Variants in SPOPL observed in about 807,000 individuals in gnomAD.
SPOPL encodes speckle-type POZ protein-like.
Under a neutral mutation model 53.8 loss-of-function variants are expected in SPOPL, and 23 were observed. The ratio of observed to expected loss-of-function variants is 0.43; its 90% CI spans 0.31 to 0.61. SPOPL has a LOEUF of 0.61. SPOPL is among the 20% of genes least tolerant of loss of function. The pLI is 0.12. For synonymous variants in SPOPL, 164 were observed against 149.7 expected (o/e 1.10, Z -0.70); for missense variants, 442 against 466.9 (o/e 0.95, Z 0.49).
At chr2:138,508,178 G>A (rs929509949) in intron 1 of SPOPL, among the ~76,000 whole-genome samples, 7 of 152,024 alleles carry the variant, frequency 4.6e-5, no homozygotes, top group Non-Finnish European at 8.8e-5. Context: ...CTTTTCTCTT[G>A]GACCATGGGT....
At chr2:138,505,995 T>C (rs1261321438) in intron 1 of SPOPL, among the ~76,000 whole-genome samples, 1 of 152,110 alleles carries the variant, frequency 6.6e-6, no homozygotes, top group African/African-American at 2.4e-5. Flanking sequence ...GGTTGGTTGA[T>C]GGGGAATAGA....
chr2:138,541,013 T>G (rs957360125), intron 1 of SPOPL, among the ~76,000 whole-genome samples: 4 of 152,252 alleles, frequency 2.6e-5, no homozygotes, highest in Admixed American at 2.0e-4. Context: ...TATGGTTTTT[T>G]TCATTGTTTC....
intron 5 of SPOPL, among the ~76,000 whole-genome samples, chr2:138,556,924 A>G (rs1685437130): frequency 6.6e-6 from 1 of 152,192 alleles, no homozygotes; most frequent in South Asian, 2.1e-4. Flanking sequence ...TGGGAGGCTG[A>G]GGCGGGTAGA....
rs79294601 is a variant in SPOPL, at chr2:138,569,703, A to G, written c.*623A>G. ...GTGACATTTATGATGTTTGTCTTGTATGTTAACTGTCCAACAAACTGTGGG... is the reference window on the plus strand; with the variant it reads ...GTGACATTTATGATGTTTGTCTTGTGTGTTAACTGTCCAACAAACTGTGGG... On this transcript the variant is annotated 3_prime_UTR_variant, in exon 11 of 11. Transcript: ENST00000280098. The G allele has an allele frequency of 1.3e-5, 2 of 152,430 alleles. No individual in the cohort carries two copies. Among genetic ancestry groups the G allele is most frequent in the African/African-American group, 4.8e-5 (2 of 41,574 alleles). The allele number at this position is 152,430 out of a possible 1,614,324, so 9.4% of individuals were successfully genotyped here. A position where few individuals can be genotyped will look rare whatever the true frequency, so the allele number is the denominator to read the frequency against.
At chr2:138,557,607 A>G (rs560667816) in intron 5 of SPOPL, among the ~76,000 whole-genome samples, 2 of 152,256 alleles carry the variant, frequency 1.3e-5, no homozygotes, top group South Asian at 4.1e-4. Flanking sequence ...TTATACTTTT[A>G]TTTAATAAAA....
chr2:138,550,032 C>A (rs190137873), intron 1 of SPOPL, 125 bp from the exon 2 acceptor site: 151 of 489,268 alleles, frequency 3.1e-4, no homozygotes, highest in Admixed American at 1.0e-3. Context: ...ATCTAAAATT[C>A]TCACATGTTC....
intron 1 of SPOPL, among the ~76,000 whole-genome samples, chr2:138,517,320 A>C (rs1684459920): frequency 6.6e-6 from 1 of 152,120 alleles, no homozygotes; most frequent in Admixed American, 6.5e-5. Flanking sequence ...CAATTATTAC[A>C]CCTCTGATCT....
chr2:138,549,993 A>G (rs984117380), intron 1 of SPOPL, among the ~76,000 whole-genome samples, 164 bp from the exon 2 acceptor site: 2 of 151,884 alleles, frequency 1.3e-5, no homozygotes, highest in African/African-American at 2.4e-5. Flanking sequence ...ACATGTTACA[A>G]AAACTTACTT....
rs61000380 is a variant in SPOPL at position 138,555,131 on chromosome 2, G to GGTGTGTGTGTGT, written c.480+2478_480+2489dup. On this transcript the variant is annotated intron_variant, in intron 5 of 10. Transcript: ENST00000280098. ...AGTGGGGGTTGTTGGAGGGTAGGAG[G>GGTGTGTGTGTGT]GTGTGTGTGTGTGTGTGTGTGTGTG... 4.8e-3 allele frequency among the ~76,000 whole-genome samples: 670 copies of GGTGTGTGTGTGT among 140,164 alleles called. 4 individuals carry two copies. The highest frequency in any genetic ancestry group is 9.0e-3 in the African/African-American group (339 of 37,838). The allele number at this position is 140,164 out of a possible 152,430, so 92.0% of individuals were successfully genotyped here.
intron 5 of SPOPL, chr2:138,554,360 A>G (rs1210819569): frequency 1.2e-6 from 1 of 810,900 alleles, no homozygotes; most frequent in Admixed American, 3.1e-5. Context: ...ATAGGTGGGC[A>G]AAAGGTACTT....
chr2:138,532,006 T>A (rs1684819600), intron 1 of SPOPL, among the ~76,000 whole-genome samples: 1 of 152,222 alleles, frequency 6.6e-6, no homozygotes, highest in Non-Finnish European at 1.5e-5. Flanking sequence ...TAAGGCTATT[T>A]GTACATTTGA....
At chr2:138,548,851 A>G (rs1374588581) in intron 1 of SPOPL, among the ~76,000 whole-genome samples, 1 of 152,168 alleles carries the variant, frequency 6.6e-6, no homozygotes, top group Non-Finnish European at 1.5e-5. Context: ...AGATAAGTCT[A>G]ATAATCATTA....
At chr2:138,525,403 G>A (rs1573877677) in intron 1 of SPOPL, among the ~76,000 whole-genome samples, 1 of 152,160 alleles carries the variant, frequency 6.6e-6, no homozygotes, top group South Asian at 2.1e-4. Context: ...AACTGTATCA[G>A]GGTGGTACAA....
chr2:138,555,445 C>G (rs1685402880), intron 5 of SPOPL, among the ~76,000 whole-genome samples: 1 of 151,950 alleles, frequency 6.6e-6, no homozygotes, highest in African/African-American at 2.4e-5. Flanking sequence ...GTTGACTACC[C>G]TATTTCTGTC....
intron 1 of SPOPL, among the ~76,000 whole-genome samples, chr2:138,531,495 A>G (rs1300499398): frequency 6.6e-6 from 1 of 152,142 alleles, no homozygotes; most frequent in Non-Finnish European, 1.5e-5. Context: ...GAAAATTCTT[A>G]CTTACCTCTT....
intron 1 of SPOPL, among the ~76,000 whole-genome samples, chr2:138,519,843 G>T (rs984335013): frequency 1.3e-5 from 2 of 152,052 alleles, no homozygotes; most frequent in African/African-American, 4.8e-5. Context: ...AATGTGTAAA[G>T]CAAACTCTTA....
Position 138,559,284 on chromosome 2 carries a change from C to T in SPOPL, c.661C>T (p.Arg221Ter). The change falls in exon 7 of 11, where the codon CGA becomes TGA. Residue 221 changes from arginine (R) to a stop codon, truncating the protein, a stop_gained and splice_region_variant. Coordinates refer to ENST00000280098, the MANE Select transcript of SPOPL (RefSeq NM_001001664.3). LOFTEE classifies it high-confidence loss of function. ...AATGATACATAATCTTGTTACAGCT[C>T]GATCTCCAGTTTTTAACGCCATGTT... The part of the protein sequence containing the change: ...FKAHKSVLAA[R>*]SPVFNAMFEH... 9 of 1,612,654 alleles carry T rather than the reference C, an allele frequency of 5.6e-6. No homozygotes were observed. Among genetic ancestry groups the T allele is most frequent in the Non-Finnish European group, 7.6e-6 (9 of 1,179,440 alleles).
In SPOPL at chr2:138,564,964, G is replaced by A. The variant is rs748061226; in HGVS notation, c.1005G>A (p.Gly335=). The A allele has an allele frequency of 4.3e-6, 7 of 1,614,024 alleles. No individual in the cohort carries two copies. The Admixed American group carries it at 1.2e-4, about 27-fold the overall frequency. ...GGTGCAGTGTACTTCGACAACTTGG[G>A]TGTAAAGATGGGAAAAACTGGAACA... is the stretch of plus-strand genomic sequence containing the variant. ...INRCSVLRQL[G]CKDGKNWNSN... The change falls in exon 10 of 11, where the codon GGG becomes GGA. Residue 335 remains glycine (G), a synonymous_variant. Coordinates refer to ENST00000280098, the MANE Select transcript of SPOPL (RefSeq NM_001001664.3).
At chr2:138,559,472 A>G in intron 7 of SPOPL, 135 bp downstream of exon 7, 4 of 831,076 alleles carry the variant, frequency 4.8e-6, no homozygotes, top group Non-Finnish European at 7.5e-6. Flanking sequence ...ACAGGAAAAA[A>G]ATGTGTTCTA....
Sources: allele counts gnomAD v4.1 joint callset (sites outside exome capture counted in the v4.1 genomes callset), GRCh38; gene constraint gnomAD v4.1.1; transcripts MANE v1.5; gene names NCBI Gene and HGNC (gene_info 2026-07-23, HGNC 2026-07-21).